Variants in SH3D19 observed in about 807,000 individuals in gnomAD.
The protein encoded by SH3D19 is SH3 domain-containing protein 19.
In SH3D19, 58 loss-of-function variants were observed where a neutral mutation model predicts 112.1. That is an observed-to-expected ratio of 0.52 (90% CI 0.42 to 0.64). SH3D19 has a LOEUF of 0.64. SH3D19 is among the 30% of genes least tolerant of loss of function. The pLI is 0.00. For missense variants in SH3D19, 1,090 were observed against 1,263.4 expected (o/e 0.86, Z 2.08); for synonymous variants, 391 against 448.5 (o/e 0.87, Z 1.62).
intron 2 of SH3D19, among the ~76,000 whole-genome samples, chr4:151,212,545 C>T (rs1282713142): frequency 1.3e-5 from 2 of 152,196 alleles, no homozygotes; most frequent in Non-Finnish European, 2.9e-5. Context: ...TATCTGTTTA[C>T]AGCATGGTTT....
At chr4:151,217,495 G>C (rs1375376414) in intron 2 of SH3D19, among the ~76,000 whole-genome samples, 2 of 152,108 alleles carry the variant, frequency 1.3e-5, no homozygotes, top group Non-Finnish European at 1.5e-5. Flanking sequence ...TCCCTGTGCT[G>C]GGTGACATTT....
At chr4:151,277,125 C>T (rs774405950) in intron 1 of SH3D19, 2 of 1,341,900 alleles carry the variant, frequency 1.5e-6, no homozygotes, top group South Asian at 4.4e-5. Flanking sequence ...TTCCTGGGAG[C>T]CTGAGTCCAG....
At chr4:151,167,336 G>GAAAT (rs1381863745) in intron 7 of SH3D19, among the ~76,000 whole-genome samples, 1 of 151,558 alleles carries the variant, frequency 6.6e-6, no homozygotes, top group African/African-American at 2.4e-5. Flanking sequence ...TTACTTCACA[G>GAAAT]AAATATTTGT....
At chr4:151,237,108 C>A (rs999682434) in intron 1 of SH3D19, among the ~76,000 whole-genome samples, 9 of 152,072 alleles carry the variant, frequency 5.9e-5, no homozygotes, top group African/African-American at 1.9e-4. Context: ...GTAACATGCA[C>A]CGCGAAAGTC....
At chr4:151,179,213 G>A in intron 4 of SH3D19, 142 bp downstream of exon 4, 2 of 440,844 alleles carry the variant, frequency 4.5e-6, no homozygotes, top group African/African-American at 2.0e-5. Flanking sequence ...AAACTTATAA[G>A]TTAATTCAGG....
At chr4:151,181,217 C>T (rs1165294266) in intron 3 of SH3D19, among the ~76,000 whole-genome samples, 1 of 152,132 alleles carries the variant, frequency 6.6e-6, no homozygotes, top group Non-Finnish European at 1.5e-5. Context: ...CTCAGTAATA[C>T]TCAACTTGTT....
chr4:151,219,715 G>T (rs928646532), intron 2 of SH3D19, among the ~76,000 whole-genome samples: 1 of 152,034 alleles, frequency 6.6e-6, no homozygotes, highest in African/African-American at 2.4e-5. Flanking sequence ...TCTTTATCCT[G>T]GATACTAACC....
chr4:151,291,291 T>C, intron 1 of SH3D19: 1 of 1,614,040 alleles, frequency 6.2e-7, no homozygotes, highest in South Asian at 1.1e-5. Context: ...TAGACTTCTC[T>C]GACTTCTTGT....
chr4:151,243,584 C>G (rs1392338164), intron 1 of SH3D19, among the ~76,000 whole-genome samples: 1 of 152,108 alleles, frequency 6.6e-6, no homozygotes, highest in South Asian at 2.1e-4. Context: ...CCTATATGGA[C>G]AAGAGATTAA....
chr4:151,188,262 T>A (rs1309382374), intron 2 of SH3D19, among the ~76,000 whole-genome samples: 1 of 152,234 alleles, frequency 6.6e-6, no homozygotes, highest in Non-Finnish European at 1.5e-5. Context: ...AGGTCTCTGA[T>A]ACCTTAAAGC....
intron 1 of SH3D19, among the ~76,000 whole-genome samples, chr4:151,297,376 C>G (rs1215217887): frequency 6.6e-6 from 1 of 152,194 alleles, no homozygotes; most frequent in Non-Finnish European, 1.5e-5. Context: ...TCTTATGACA[C>G]TTAGCCCACA....
At chr4:151,251,038 A>G (rs1580327180) in intron 1 of SH3D19, among the ~76,000 whole-genome samples, 1 of 152,230 alleles carries the variant, frequency 6.6e-6, no homozygotes, top group Non-Finnish European at 1.5e-5. Flanking sequence ...CCTTTTCATC[A>G]TAATCTGCCT....
At chr4:151,139,442 G>A (rs1235318730) in intron 13 of SH3D19, among the ~76,000 whole-genome samples, 7 of 152,148 alleles carry the variant, frequency 4.6e-5, no homozygotes, top group Non-Finnish European at 1.5e-5. Flanking sequence ...GTGAGCCACT[G>A]CGCCCGGCCT....
chr4:151,170,347 A>C (rs967200153), intron 7 of SH3D19, among the ~76,000 whole-genome samples: 7 of 152,212 alleles, frequency 4.6e-5, no homozygotes, highest in Non-Finnish European at 8.8e-5. Context: ...TCTGCCAAAC[A>C]AACCAGAACA....
chr4:151,322,500 C>CAA (rs11420449), intron 1 of SH3D19, among the ~76,000 whole-genome samples: 18,049 of 122,392 alleles, frequency 0.15, 1,325 homozygotes, highest in South Asian at 0.22. Flanking sequence ...ATAATTCTGC[C>CAA]AAAAAAAAAA....
chr4:151,159,103 G>C (rs1024310378), intron 9 of SH3D19, 137 bp downstream of exon 9: 2 of 487,184 alleles, frequency 4.1e-6, no homozygotes, highest in African/African-American at 4.1e-5. Context: ...AGTACATGGG[G>C]CTTAGAGACT....
rs1258976277 is a variant in SH3D19, at chr4:151,159,259, A to G, written c.1736T>C (p.Val579Ala). 3.9e-6 allele frequency: 6 copies of G among 1,544,776 alleles called. No individual in the cohort carries two copies. The highest frequency in any genetic ancestry group is 5.2e-6 in the Non-Finnish European group (6 of 1,155,540). Residue 579 changes from valine to alanine, a missense_variant, in exon 9 of 20, where the codon GTT becomes GCT. Val to Ala is a moderately conservative substitution (Grantham distance 64). Transcript: ENST00000604030. The stretch of plus-strand genomic sequence containing the variant: ...ACTTACCAAGTTTCTAGTTCTCTCA[A>G]CATTACTGAGCTTTCCAGATACTGT... ...FSTVSGKLSN[V>A]ERTRNLESNH...
intron 16 of SH3D19, among the ~76,000 whole-genome samples, chr4:151,132,744 G>C (rs531043616): frequency 3.3e-5 from 5 of 152,098 alleles, no homozygotes; most frequent in Non-Finnish European, 7.4e-5. Flanking sequence ...CAGGCAATCC[G>C]CCCACCGTGG....
Position 151,254,394 on chromosome 4 carries a change from C to T in SH3D19, c.113-28308G>A, listed in dbSNP as rs548879575. On this transcript the variant is annotated intron_variant, in intron 1 of 19. Coordinates refer to ENST00000604030, the MANE Select transcript of SH3D19 (RefSeq NM_001378122.1). ...AGGGGGATTTGGCAGGGTCATAGGACAATAGTGGAGGGAAGGTCAGCAGAT... is the reference window on the plus strand; with the variant it reads ...AGGGGGATTTGGCAGGGTCATAGGATAATAGTGGAGGGAAGGTCAGCAGAT... Among the ~76,000 whole-genome samples the T allele has an allele frequency of 3.2e-3, 476 of 149,058 alleles. 15 individuals are homozygous for T. The highest frequency in any genetic ancestry group is 0.03 in the Admixed American group (447 of 14,960).
Sources: gnomAD v4.1 joint callset for allele counts (sites outside exome capture counted in the v4.1 genomes callset) on GRCh38, gnomAD v4.1.1 for gene constraint, MANE v1.5 for transcripts, NCBI Gene and HGNC (gene_info 2026-07-23, HGNC 2026-07-21) for gene names.